Variants in NUFIP2 observed in about 807,000 individuals in gnomAD.
NUFIP2 encodes the protein nuclear FMR1 interacting protein 2, also known as FMR1-interacting protein NUFIP2.
In NUFIP2, 6 loss-of-function variants were observed where a neutral mutation model predicts 56.9. That is an observed-to-expected ratio of 0.11 (90% CI 0.06 to 0.21). The LOEUF (loss-of-function observed/expected upper bound fraction) is 0.21, where lower values mean the gene tolerates loss of function less well. Among genes scored for constraint, NUFIP2 ranks in the 10% least tolerant of loss-of-function variants. NUFIP2 has a pLI of 1.00. For synonymous variants in NUFIP2, 321 were observed against 298.2 expected, an observed-to-expected ratio of 1.08 and a Z score of -0.79; for missense variants, 828 against 826.8, an observed-to-expected ratio of 1.00 and a Z score of -0.02.
intron 1 of NUFIP2, among the ~76,000 whole-genome samples, chr17:29,288,890 T>C (rs926092489): frequency 5.3e-5 from 8 of 152,262 alleles, no homozygotes; most frequent in Admixed American, 4.6e-4. Flanking sequence ...GTGGATCATG[T>C]CTGTAAACAT....
chr17:29,292,747 G>A (rs1369291414), intron 1 of NUFIP2, among the ~76,000 whole-genome samples: 3 of 149,952 alleles, frequency 2.0e-5, no homozygotes, highest in Non-Finnish European at 4.5e-5. Flanking sequence ...CGCGGCCGCT[G>A]GCGCGCGGGG....
In NUFIP2 at chr17:29,267,538, GA is replaced by G. The variant is rs749944158; in HGVS notation, c.2003-9del. The G allele has an allele frequency of 5.3e-6, 8 of 1,507,866 alleles. No homozygotes were observed. Among genetic ancestry groups the G allele is most frequent in the African/African-American group, 1.4e-5 (1 of 70,906 alleles). The allele number at this position is 1,507,866 out of a possible 1,614,324, so 93.4% of individuals were successfully genotyped here. On this transcript the variant is annotated splice_polypyrimidine_tract_variant and intron_variant, in intron 2 of 3. Transcript: ENST00000225388. Reference sequence around the variant, plus strand: ...TCCAAATAGATTCCATTTCTGCAAAGAAAAAAAGAGAATTACATACTAAGTT... The same window carrying G: ...TCCAAATAGATTCCATTTCTGCAAAGAAAAAAGAGAATTACATACTAAGTT...
chr17:29,291,353 A>C (rs1702122718), intron 1 of NUFIP2, among the ~76,000 whole-genome samples: 1 of 152,200 alleles, frequency 6.6e-6, no homozygotes, highest in South Asian at 2.1e-4. Context: ...ATTAAAAAAA[A>C]CTGTTCCTCT....
intron 3 of NUFIP2, 43 bp downstream of exon 3, chr17:29,267,455 G>A (rs374855050): frequency 2.8e-6 from 3 of 1,088,804 alleles, no homozygotes; most frequent in Non-Finnish European, 4.1e-6. Flanking sequence ...AATGTCCAGT[G>A]GTTACTTATT....
intron 2 of NUFIP2, among the ~76,000 whole-genome samples, chr17:29,270,227 A>C (rs1037888966): frequency 6.6e-6 from 1 of 151,884 alleles, no homozygotes; most frequent in African/African-American, 2.4e-5. Flanking sequence ...TATGTCCATC[A>C]AATCTCTGCG....
rs935476894 is a variant in NUFIP2 at position 29,258,612 on chromosome 17, T to C, written c.*5927A>G. 17 of 152,274 alleles carry C rather than the reference T, an allele frequency of 1.1e-4. No homozygotes were observed. Among genetic ancestry groups the C allele is most frequent in the South Asian group, 2.1e-4 (1 of 4,826 alleles). The allele number at this position is 152,274 out of a possible 1,614,324, so 9.4% of individuals were successfully genotyped here. On this transcript the variant is annotated 3_prime_UTR_variant, in exon 4 of 4. Coordinates refer to ENST00000225388, the MANE Select transcript of NUFIP2 (RefSeq NM_020772.3). ...AAACTATTTTCAGTAGTAGAAGACA[T>C]TTAAGGCCAAAAAGTGTACTATTAA...
intron 2 of NUFIP2, among the ~76,000 whole-genome samples, chr17:29,269,742 C>G (rs1325371244): frequency 4.0e-5 from 6 of 151,738 alleles, no homozygotes; most frequent in Non-Finnish European, 1.5e-5. Flanking sequence ...CCAAGTCTGG[C>G]ACTTTTTTTT....
intron 1 of NUFIP2, among the ~76,000 whole-genome samples, chr17:29,293,421 G>T (rs1186507123): frequency 6.6e-6 from 1 of 152,120 alleles, no homozygotes; most frequent in Non-Finnish European, 1.5e-5. Flanking sequence ...TGGGGGGGTA[G>T]GTTTACCCCA....
intron 1 of NUFIP2, among the ~76,000 whole-genome samples, chr17:29,292,605 C>T (rs2069222340): frequency 6.6e-6 from 1 of 150,470 alleles, no homozygotes; most frequent in South Asian, 2.1e-4. Flanking sequence ...ATCCCCCCGC[C>T]GCCCCCCCAG....
intron 2 of NUFIP2, among the ~76,000 whole-genome samples, chr17:29,274,282 C>G (rs1054293806): frequency 1.2e-4 from 18 of 152,194 alleles, no homozygotes; most frequent in African/African-American, 4.3e-4. Flanking sequence ...CCAGCCTTAG[C>G]AAGATGGTGA....
intron 2 of NUFIP2, among the ~76,000 whole-genome samples, chr17:29,273,114 A>C (rs2069086242): frequency 6.7e-6 from 1 of 149,858 alleles, no homozygotes; most frequent in African/African-American, 2.5e-5. Flanking sequence ...ATCTCGGCTC[A>C]CTGCAACCTC....
chr17:29,277,437 T>G (rs2069114523), intron 2 of NUFIP2, among the ~76,000 whole-genome samples: 1 of 152,128 alleles, frequency 6.6e-6, no homozygotes, highest in South Asian at 2.1e-4. Flanking sequence ...CCAAATCAAT[T>G]TATCACTAAT....
chr17:29,293,405 A>AT (rs1019615496), intron 1 of NUFIP2, among the ~76,000 whole-genome samples: 1 of 151,904 alleles, frequency 6.6e-6, no homozygotes, highest in African/African-American at 2.4e-5. Flanking sequence ...ACCTCGAGGG[A>AT]TTTTTTGGGG....
At chr17:29,272,540 C>A (rs969451549) in intron 2 of NUFIP2, among the ~76,000 whole-genome samples, 1 of 151,854 alleles carries the variant, frequency 6.6e-6, no homozygotes, top group African/African-American at 2.4e-5. Flanking sequence ...GCACCTGGCC[C>A]CTCGTTTGTG....
intron 2 of NUFIP2, among the ~76,000 whole-genome samples, chr17:29,281,720 G>T: frequency 7.0e-6 from 1 of 142,338 alleles, no homozygotes; most frequent in Non-Finnish European, 1.5e-5. Flanking sequence ...CAGCTAAAAG[G>T]AAAATCCCAC....
chr17:29,285,494 G>A (rs1316646491), intron 2 of NUFIP2, among the ~76,000 whole-genome samples: 2 of 149,278 alleles, frequency 1.3e-5, no homozygotes, highest in Non-Finnish European at 3.0e-5. Context: ...AGGAGGCTGA[G>A]GCAGGAGAAT....
chr17:29,264,838 GATC>G (rs1178745331), intron 3 of NUFIP2, among the ~76,000 whole-genome samples: 1 of 152,138 alleles, frequency 6.6e-6, no homozygotes, highest in African/African-American at 2.4e-5. Flanking sequence ...AACTCCTGCA[GATC>G]AGAGATGGTT....
intron 2 of NUFIP2, among the ~76,000 whole-genome samples, chr17:29,280,723 T>G (rs960414161): frequency 2.0e-5 from 3 of 152,148 alleles, no homozygotes; most frequent in African/African-American, 7.2e-5. Context: ...TGGTGGCTCA[T>G]GCCTGTAATC....
intron 3 of NUFIP2, among the ~76,000 whole-genome samples, chr17:29,265,688 G>A (rs7504068): frequency 1.5e-4 from 18 of 117,798 alleles, no homozygotes; most frequent in South Asian, 2.7e-4. Context: ...CCTTCCCTAA[G>A]AACTTTTTCA....
Sources: allele counts gnomAD v4.1 joint callset (sites outside exome capture counted in the v4.1 genomes callset), GRCh38; gene constraint gnomAD v4.1.1; transcripts MANE v1.5; gene names NCBI Gene and HGNC (gene_info 2026-07-23, HGNC 2026-07-21).